The following CDYL2 variants were observed in gnomAD, a reference collection of about 807,000 sequenced individuals.
CDYL2 encodes chromodomain Y like 2.
Under a neutral mutation model 49.4 loss-of-function variants are expected in CDYL2, and 23 were observed. The observed-to-expected ratio is 0.47, with a 90% CI of 0.34 to 0.66. CDYL2 has a LOEUF of 0.66. CDYL2 is among the 30% of genes least tolerant of loss of function. The pLI, the probability that CDYL2 is intolerant of heterozygous loss-of-function variation, is 0.01. For missense variants in CDYL2, 678 were observed against 656.4 expected (o/e 1.03, Z -0.36); for synonymous variants, 360 against 268.8 (o/e 1.34, Z -3.32).
chr16:80,709,594 A>ACACACACACACT (rs1491201692), intron 1 of CDYL2, among the ~76,000 whole-genome samples: 2 of 150,422 alleles, frequency 1.3e-5, no homozygotes, highest in African/African-American at 4.9e-5. Flanking sequence ...ACACACACAC[A>ACACACACACACT]CTTCCTCAAA....
At chr16:80,776,881 G>C (rs1490572415) in intron 1 of CDYL2, among the ~76,000 whole-genome samples, 1 of 151,448 alleles carries the variant, frequency 6.6e-6, no homozygotes, top group Non-Finnish European at 1.5e-5. Flanking sequence ...GCAATGGCAC[G>C]ATCTCGACTC....
chr16:80,614,589 G>C (rs1906742497), intron 4 of CDYL2, among the ~76,000 whole-genome samples: 1 of 152,182 alleles, frequency 6.6e-6, no homozygotes, highest in African/African-American at 2.4e-5. Context: ...GTCGAGGCTG[G>C]GCATGGTCAT....
chr16:80,683,905 AT>A (rs1910068707), intron 2 of CDYL2, among the ~76,000 whole-genome samples: 1 of 152,178 alleles, frequency 6.6e-6, no homozygotes, highest in Non-Finnish European at 1.5e-5. Context: ...TTAGATTTCC[AT>A]TTTTCATAAA....
chr16:80,671,868 T>C (rs1409720394), intron 2 of CDYL2, among the ~76,000 whole-genome samples: 3 of 152,082 alleles, frequency 2.0e-5, no homozygotes, highest in Non-Finnish European at 4.4e-5. Flanking sequence ...TCTAGAAAAA[T>C]AGTCCAGAAA....
chr16:80,674,390 T>G (rs1337640528), intron 2 of CDYL2, among the ~76,000 whole-genome samples: 2 of 152,100 alleles, frequency 1.3e-5, no homozygotes, highest in Non-Finnish European at 2.9e-5. Flanking sequence ...CGGTAGCTGT[T>G]ATTTTTCATC....
chr16:80,761,240 A>T (rs901563891), intron 1 of CDYL2, among the ~76,000 whole-genome samples: 1 of 152,178 alleles, frequency 6.6e-6, no homozygotes, highest in Non-Finnish European at 1.5e-5. Context: ...GTGGGGCTCC[A>T]GGTTGAACCA....
At chr16:80,604,848 T>C (rs1337250899) in intron 6 of CDYL2, among the ~76,000 whole-genome samples, 2 of 152,270 alleles carry the variant, frequency 1.3e-5, no homozygotes, top group South Asian at 4.1e-4. Context: ...TCTATAGGTG[T>C]CATGAAAAAG....
chr16:80,795,440 G>A (rs1217124315), intron 1 of CDYL2, among the ~76,000 whole-genome samples: 3 of 152,142 alleles, frequency 2.0e-5, no homozygotes, highest in Non-Finnish European at 4.4e-5. Flanking sequence ...GGAACCCATC[G>A]CTTTATAAAG....
rs570463936 is a variant in CDYL2 at position 80,743,663 on chromosome 16, T to TTTTG, written c.25-58538_25-58535dup. Among the ~76,000 whole-genome samples, 747 of 152,320 alleles carry TTTTG rather than the reference T, an allele frequency of 4.9e-3. 5 individuals carry two copies. Among genetic ancestry groups the TTTTG allele is most frequent in the African/African-American group, 0.016 (659 of 41,562 alleles). On this transcript the variant is annotated intron_variant, in intron 1 of 6. Coordinates refer to ENST00000570137, the MANE Select transcript of CDYL2 (RefSeq NM_152342.4). Reference sequence around the variant, plus strand: ...TGCAAGTAAGATTATTTTCTCTGTTTTTTGTTTGTTTGTTTGTTTGTTTTT... The same window carrying TTTTG: ...TGCAAGTAAGATTATTTTCTCTGTTTTTTGTTTGTTTGTTTGTTTGTTTGTTTTT...
chr16:80,724,364 G>C (rs1323178947), intron 1 of CDYL2, among the ~76,000 whole-genome samples: 1 of 152,148 alleles, frequency 6.6e-6, no homozygotes, highest in African/African-American at 2.4e-5. Flanking sequence ...GAAGGACCTA[G>C]AGAAATTATT....
In CDYL2 at chr16:80,620,843, G is replaced by A. The variant is rs148507807; in HGVS notation, c.927C>T (p.Ser309=). ...LLSAVGSVFC[S]GLDYSYLIGR... ...CAATTAGGTAGGAATAATCCAGGCCGCTGCAGAACACGCTCCCCACTGCGC... is the reference window on the plus strand; with the variant it reads ...CAATTAGGTAGGAATAATCCAGGCCACTGCAGAACACGCTCCCCACTGCGC... Residue 309 remains serine (S), a synonymous_variant, in exon 4 of 7, where the codon AGC becomes AGT. Coordinates refer to ENST00000570137, the MANE Select transcript of CDYL2 (RefSeq NM_152342.4). The A allele has an allele frequency of 5.1e-5, 82 of 1,613,404 alleles. No homozygotes were observed. The highest frequency in any genetic ancestry group is 4.5e-4 in the East Asian group (20 of 44,870).
chr16:80,775,995 T>C lies in CDYL2; in HGVS notation c.24+28155A>G, dbSNP rs78243210. ...GTAACACTGCAAAAGAAGTTACGTA[T>C]ATGTCATAACCTCTGGTCATAATGC... On this transcript the variant is annotated intron_variant, in intron 1 of 6. Coordinates refer to ENST00000570137, the MANE Select transcript of CDYL2 (RefSeq NM_152342.4). Among the ~76,000 whole-genome samples the C allele has an allele frequency of 5.2e-3, 792 of 152,014 alleles. 2 individuals carry two copies. The highest frequency in any genetic ancestry group is 0.015 in the African/African-American group (641 of 41,524).
chr16:80,749,004 A>C (rs1906037199), intron 1 of CDYL2, among the ~76,000 whole-genome samples: 1 of 152,248 alleles, frequency 6.6e-6, no homozygotes. Flanking sequence ...CAGTCAAAAT[A>C]TAAGGTTAAA....
intron 1 of CDYL2, among the ~76,000 whole-genome samples, chr16:80,724,920 C>A (rs1905116126): frequency 6.6e-6 from 1 of 152,238 alleles, no homozygotes; most frequent in African/African-American, 2.4e-5. Flanking sequence ...AAAGCCAACT[C>A]TGTAAGATCG....
chr16:80,749,568 A>G (rs1043566232), intron 1 of CDYL2, among the ~76,000 whole-genome samples: 9 of 152,212 alleles, frequency 5.9e-5, no homozygotes, highest in Non-Finnish European at 1.3e-4. Flanking sequence ...TTGCTAAAAG[A>G]TAAAGTCTCA....
intron 2 of CDYL2, among the ~76,000 whole-genome samples, chr16:80,660,935 G>A (rs1909015780): frequency 6.6e-6 from 1 of 152,154 alleles, no homozygotes; most frequent in South Asian, 2.1e-4. Flanking sequence ...AAGATACAGG[G>A]GCAGCTGCCC....
intron 2 of CDYL2, among the ~76,000 whole-genome samples, chr16:80,651,809 T>C (rs1908595253): frequency 6.6e-6 from 1 of 152,204 alleles, no homozygotes; most frequent in African/African-American, 2.4e-5. Flanking sequence ...AAAAGTTGAT[T>C]CCCATGGCGG....
At chr16:80,660,198 CA>C (rs1567559745) in intron 2 of CDYL2, among the ~76,000 whole-genome samples, 1 of 151,678 alleles carries the variant, frequency 6.6e-6, no homozygotes, top group Non-Finnish European at 1.5e-5. Context: ...CTTAGCAAAT[CA>C]AAAATTTAAT....
intron 2 of CDYL2, among the ~76,000 whole-genome samples, chr16:80,668,764 G>C (rs1909377041): frequency 6.6e-6 from 1 of 151,940 alleles, no homozygotes; most frequent in Admixed American, 6.6e-5. Context: ...CCAGGCACGG[G>C]GGTGGGCACC....
Sources: allele counts gnomAD v4.1 joint callset (sites outside exome capture counted in the v4.1 genomes callset), GRCh38; gene constraint gnomAD v4.1.1; transcripts MANE v1.5; gene names NCBI Gene and HGNC (gene_info 2026-07-23, HGNC 2026-07-21).